MARCHF8: variants seen among roughly 807,000 people sequenced by gnomAD.
The protein encoded by MARCHF8 is E3 ubiquitin-protein ligase MARCHF8.
MARCHF8 carries 40 observed loss-of-function variants against 51.6 expected under a neutral mutation model. The ratio of observed to expected loss-of-function variants is 0.77; its 90% confidence interval spans 0.60 to 1.01. The LOEUF (loss-of-function observed/expected upper bound fraction) is 1.01, where lower values mean the gene tolerates loss of function less well. MARCHF8 is among the 50% of genes least tolerant of loss of function. MARCHF8 has a pLI of 0.00. For missense variants in MARCHF8, 685 were observed against 708.6 expected, an observed-to-expected ratio of 0.97 and a Z score of 0.38; for synonymous variants, 263 against 280.3, an observed-to-expected ratio of 0.94 and a Z score of 0.62.
intron 1 of MARCHF8, among the ~76,000 whole-genome samples, chr10:45,565,142 A>G (rs2044350705): frequency 1.3e-5 from 2 of 152,320 alleles, no homozygotes; most frequent in South Asian, 4.1e-4. Flanking sequence ...ATAGGTGTAC[A>G]TAAAATACAT....
At chr10:45,495,126 A>G (rs2043149667) in intron 2 of MARCHF8, among the ~76,000 whole-genome samples, 2 of 152,128 alleles carry the variant, frequency 1.3e-5, no homozygotes, top group Admixed American at 1.3e-4. Context: ...ATCTCAAAAA[A>G]AAAAAAAGAA....
intron 3 of MARCHF8, among the ~76,000 whole-genome samples, chr10:45,464,995 C>G (rs578167758): frequency 6.6e-6 from 1 of 152,234 alleles, no homozygotes; most frequent in African/African-American, 2.4e-5. Context: ...AAAGAAAGTA[C>G]AGCAAGAGGT....
At chr10:45,572,862 G>A (rs2044446925) in intron 1 of MARCHF8, among the ~76,000 whole-genome samples, 1 of 152,016 alleles carries the variant, frequency 6.6e-6, no homozygotes, top group African/African-American at 2.4e-5. Context: ...GACTTGGGAA[G>A]ACAGTCCCAA....
intron 2 of MARCHF8, among the ~76,000 whole-genome samples, chr10:45,497,136 A>C (rs2043188408): frequency 6.6e-6 from 1 of 152,138 alleles, no homozygotes; most frequent in Admixed American, 6.5e-5. Flanking sequence ...GATACATAGC[A>C]CAAAAACAAC....
chr10:45,565,915 C>T (rs935051739), intron 1 of MARCHF8, among the ~76,000 whole-genome samples: 1 of 152,162 alleles, frequency 6.6e-6, no homozygotes, highest in Admixed American at 6.5e-5. Flanking sequence ...TGTTAATTTA[C>T]TTATATTAAA....
At chr10:45,465,449 C>A (rs1412717368) in intron 3 of MARCHF8, among the ~76,000 whole-genome samples, 1 of 152,186 alleles carries the variant, frequency 6.6e-6, no homozygotes, top group East Asian at 1.9e-4. Flanking sequence ...GAGGCCTAGT[C>A]CCCACTCTTT....
At chr10:45,497,735 T>G (rs761857880) in intron 2 of MARCHF8, among the ~76,000 whole-genome samples, 4 of 152,028 alleles carry the variant, frequency 2.6e-5, no homozygotes, top group Non-Finnish European at 5.9e-5. Context: ...TTATTTGAGA[T>G]TCATAAAAAT....
intron 3 of MARCHF8, among the ~76,000 whole-genome samples, chr10:45,478,689 G>A (rs576690045): frequency 6.6e-6 from 1 of 151,774 alleles, no homozygotes; most frequent in East Asian, 1.9e-4. Context: ...AATGAAAAAG[G>A]AGACATTACA....
At chr10:45,464,427 C>T (rs1800830691) in intron 3 of MARCHF8, 100 bp from the exon 4 acceptor site, 1 of 898,502 alleles carries the variant, frequency 1.1e-6, no homozygotes, top group Non-Finnish European at 1.9e-6. Context: ...GAAATGTCTG[C>T]TGCTTCCCGC....
chr10:45,568,828 G>A (rs2044396065), intron 1 of MARCHF8, among the ~76,000 whole-genome samples: 1 of 151,826 alleles, frequency 6.6e-6, no homozygotes, highest in South Asian at 2.1e-4. Flanking sequence ...CAACACTTTG[G>A]GAGCCCAAGG....
intron 1 of MARCHF8, among the ~76,000 whole-genome samples, chr10:45,563,489 C>G (rs2044332844): frequency 6.6e-6 from 1 of 152,104 alleles, no homozygotes; most frequent in South Asian, 2.1e-4. Flanking sequence ...GTTCATTCAG[C>G]TTTGTTAACG....
chr10:45,541,248 G>T (rs2044048222), intron 1 of MARCHF8, among the ~76,000 whole-genome samples: 2 of 152,126 alleles, frequency 1.3e-5, no homozygotes, highest in South Asian at 2.1e-4. Context: ...CCATAAAAAA[G>T]GATGAATTCA....
chr10:45,565,809 C>T (rs1476138935), intron 1 of MARCHF8, among the ~76,000 whole-genome samples: 1 of 152,122 alleles, frequency 6.6e-6, no homozygotes, highest in Admixed American at 6.6e-5. Flanking sequence ...GTATTAAGTC[C>T]GTGCAAGCCT....
chr10:45,568,267 T>C (rs777854327), intron 1 of MARCHF8, among the ~76,000 whole-genome samples: 2 of 152,236 alleles, frequency 1.3e-5, no homozygotes, highest in Non-Finnish European at 2.9e-5. Flanking sequence ...TTTATATCCT[T>C]GTCTTGTCTG....
At chr10:45,511,807 T>G (rs1229443899) in intron 2 of MARCHF8, among the ~76,000 whole-genome samples, 1 of 152,076 alleles carries the variant, frequency 6.6e-6, no homozygotes, top group African/African-American at 2.4e-5. Context: ...GTGCCGAGAT[T>G]GCAGCCTCTG....
intron 2 of MARCHF8, among the ~76,000 whole-genome samples, chr10:45,506,387 T>G (rs1035803090): frequency 3.3e-5 from 5 of 152,240 alleles, no homozygotes; most frequent in Non-Finnish European, 7.3e-5. Flanking sequence ...GTTTACTGAT[T>G]GAATAAACTA....
chr10:45,573,850 T>C (rs968120015), intron 1 of MARCHF8, among the ~76,000 whole-genome samples: 1 of 152,210 alleles, frequency 6.6e-6, no homozygotes, highest in Non-Finnish European at 1.5e-5. Context: ...GTTGTGGGTA[T>C]TGAAGACCAC....
chr10:45,572,881 AT>A (rs1436362167), intron 1 of MARCHF8, among the ~76,000 whole-genome samples: 1 of 151,278 alleles, frequency 6.6e-6, no homozygotes, highest in East Asian at 1.9e-4. Flanking sequence ...AAGTCTTTCC[AT>A]TTTTTCCTCA....
intron 2 of MARCHF8, among the ~76,000 whole-genome samples, chr10:45,507,408 T>C (rs71494799): frequency 0.049 from 7,433 of 152,208 alleles, 257 homozygotes; most frequent in Non-Finnish European, 0.066. Flanking sequence ...ACAAGAAGCA[T>C]GGTGCCAGGA....
Sources: gnomAD v4.1 joint callset for allele counts (sites outside exome capture counted in the v4.1 genomes callset) on GRCh38, gnomAD v4.1.1 for gene constraint, MANE v1.5 for transcripts, NCBI Gene and HGNC (gene_info 2026-07-23, HGNC 2026-07-21) for gene names.